COL13A1: variants seen among roughly 807,000 people sequenced by gnomAD.
The protein encoded by COL13A1 is collagen type XIII alpha 1 chain.
In COL13A1, 89 loss-of-function variants were observed where a neutral mutation model predicts 130.9. That is an observed-to-expected ratio of 0.68 (90% CI 0.57 to 0.81). The LOEUF is 0.81. Among genes scored for constraint, COL13A1 ranks in the 30% least tolerant of loss-of-function variants. The pLI is 0.00. For synonymous variants in COL13A1, 402 were observed against 341.6 expected, an observed-to-expected ratio of 1.18 and a Z score of -1.95; for missense variants, 879 against 934.6, an observed-to-expected ratio of 0.94 and a Z score of 0.78.
At chr10:69,920,160 C>T (rs941555109) in intron 21 of COL13A1, among the ~76,000 whole-genome samples, 1 of 152,224 alleles carries the variant, frequency 6.6e-6, no homozygotes, top group Non-Finnish European at 1.5e-5. Context: ...GCTACTTTAC[C>T]GTTCAGCTGC....
In COL13A1 at chr10:69,878,136, C is replaced by G. The variant is rs370197162; in HGVS notation, c.462+71C>G. The G allele has an allele frequency of 1.2e-4, 86 of 698,184 alleles. No individual in the cohort carries two copies. In the South Asian group the frequency reaches 1.2e-3, roughly 10 times the overall value. 43.2% of individuals were successfully genotyped at this position (698,184 alleles called of 1,614,324 possible). A position where few individuals can be genotyped will look rare whatever the true frequency, so the allele number is the denominator to read the frequency against. ...CCAGGTGGACTCTTGATGGGAGGCT[C>G]TCAGCCCTCCCCCCCATGAAAGCCG... is the stretch of plus-strand genomic sequence containing the variant. On this transcript the variant is annotated intron_variant, in intron 6 of 40. Coordinates refer to ENST00000645393, the MANE Select transcript of COL13A1 (RefSeq NM_001368882.1).
intron 4 of COL13A1, among the ~76,000 whole-genome samples, chr10:69,874,713 A>T (rs2059412193): frequency 6.6e-6 from 1 of 152,200 alleles, no homozygotes; most frequent in Non-Finnish European, 1.5e-5. Flanking sequence ...CCCATCTGTC[A>T]CATGGGAGCT....
chr10:69,828,767 C>T (rs1338411227), intron 2 of COL13A1, among the ~76,000 whole-genome samples: 2 of 152,280 alleles, frequency 1.3e-5, no homozygotes, highest in African/African-American at 4.8e-5. Context: ...GGTGTATGCT[C>T]GATGTACAAT....
intron 2 of COL13A1, among the ~76,000 whole-genome samples, chr10:69,859,811 C>T (rs1383256145): frequency 2.6e-5 from 4 of 152,230 alleles, no homozygotes; most frequent in African/African-American, 9.7e-5. Context: ...GAATTCTGTG[C>T]GAGCTTCCAG....
chr10:69,922,732 T>A lies in COL13A1; in HGVS notation c.1168T>A (p.Ser390Thr), dbSNP rs930006269. 1 of 1,606,924 alleles carries A rather than the reference T, an allele frequency of 6.2e-7. No individual in the cohort carries two copies. The highest frequency in any genetic ancestry group is 8.5e-7 in the Non-Finnish European group (1 of 1,177,246). ...GGGAGAGAAAGGCGATGCTGGCAAC[T>A]CCATTGGAGGAGGCAGAGGGGAACC... ...QKGEKGDAGN[S>T]IGGGRGEPGP... The change falls in exon 23 of 41, where the codon TCC becomes ACC. Residue 390 changes from serine (S) to threonine (T), a missense_variant. Coordinates refer to ENST00000645393, the MANE Select transcript of COL13A1 (RefSeq NM_001368882.1).
chr10:69,863,238 C>T (rs903520497), intron 2 of COL13A1, among the ~76,000 whole-genome samples: 12 of 152,158 alleles, frequency 7.9e-5, no homozygotes, highest in South Asian at 2.1e-4. Flanking sequence ...ACTTCCCAGT[C>T]GTGAAATCAA....
intron 22 of COL13A1, among the ~76,000 whole-genome samples, chr10:69,922,245 A>G (rs1296188528): frequency 6.6e-6 from 1 of 152,190 alleles, no homozygotes; most frequent in East Asian, 1.9e-4. Flanking sequence ...AAATTAAAAA[A>G]AAAAAGATGA....
chr10:69,820,574 T>C (rs143279971), intron 1 of COL13A1, among the ~76,000 whole-genome samples: 3 of 152,356 alleles, frequency 2.0e-5, no homozygotes, highest in East Asian at 1.9e-4. Flanking sequence ...TCACCAGACT[T>C]TGGCCTGGGG....
At chr10:69,889,307 CGG>C in intron 9 of COL13A1, 105 bp from the exon 10 acceptor site, 2 of 1,397,852 alleles carry the variant, frequency 1.4e-6, no homozygotes, top group Non-Finnish European at 9.9e-7. Context: ...GGGAGGAGCA[CGG>C]GGGGCAGGGA....
chr10:69,936,099 AG>A (rs2066818198), intron 32 of COL13A1, among the ~76,000 whole-genome samples: 1 of 64,520 alleles, frequency 1.5e-5, no homozygotes, highest in Non-Finnish European at 2.8e-5. Flanking sequence ...GAAGGAGGGA[AG>A]GGAGGAAGGA....
intron 1 of COL13A1, among the ~76,000 whole-genome samples, chr10:69,806,190 G>C (rs1841515517): frequency 6.6e-6 from 1 of 152,266 alleles, no homozygotes; most frequent in African/African-American, 2.4e-5. Flanking sequence ...AATCTTTGCA[G>C]CAGGCAGGAC....
intron 10 of COL13A1, among the ~76,000 whole-genome samples, chr10:69,891,867 C>T (rs2061207845): frequency 6.6e-6 from 1 of 152,198 alleles, no homozygotes; most frequent in African/African-American, 2.4e-5. Context: ...AGTACATTGC[C>T]TGAGGCCACA....
At chr10:69,854,828 A>G (rs182949842) in intron 2 of COL13A1, among the ~76,000 whole-genome samples, 4 of 152,302 alleles carry the variant, frequency 2.6e-5, no homozygotes, top group Admixed American at 2.6e-4. Context: ...TTGCAATTCC[A>G]GAATAGACAG....
At chr10:69,842,796 T>C (rs534402920) in intron 2 of COL13A1, among the ~76,000 whole-genome samples, 2 of 152,308 alleles carry the variant, frequency 1.3e-5, no homozygotes, top group African/African-American at 4.8e-5. Flanking sequence ...AGTTTGCTCC[T>C]TTGAGGAGCA....
chr10:69,856,870 TG>T (rs1390981009), intron 2 of COL13A1, among the ~76,000 whole-genome samples: 2 of 152,150 alleles, frequency 1.3e-5, no homozygotes, highest in Admixed American at 6.5e-5. Flanking sequence ...AGTTCAAGTG[TG>T]GAGACTCCAG....
chr10:69,919,133 C>A lies in COL13A1; in HGVS notation c.1026+45C>A, dbSNP rs753041003. The A allele has an allele frequency of 3.7e-6, 6 of 1,612,498 alleles. No individual in the cohort carries two copies. In the South Asian group the frequency reaches 6.6e-5, roughly 18 times the overall value. On this transcript the variant is annotated intron_variant, in intron 20 of 40. Coordinates refer to ENST00000645393, the MANE Select transcript of COL13A1 (RefSeq NM_001368882.1). ...GTTCCGGGCTGCACAGAGCATCGGT[C>A]ATGGGCAGAGGTGGGAGGGGCTGCT...
intron 1 of COL13A1, among the ~76,000 whole-genome samples, chr10:69,813,637 C>G (rs1843652008): frequency 6.6e-6 from 1 of 152,144 alleles, no homozygotes; most frequent in Non-Finnish European, 1.5e-5. Flanking sequence ...CCGTGGCACC[C>G]CCTCCCTGTC....
At chr10:69,823,983 C>T (rs533407291) in intron 2 of COL13A1, 1 of 422,532 alleles carries the variant, frequency 2.4e-6, no homozygotes, top group East Asian at 7.1e-5. Context: ...GCCCTTATAA[C>T]TCTTGGGCAA....
chr10:69,921,183 G>A (rs887572743), intron 21 of COL13A1, among the ~76,000 whole-genome samples: 10 of 152,156 alleles, frequency 6.6e-5, no homozygotes, highest in South Asian at 2.1e-4. Flanking sequence ...CCTCTCTCCC[G>A]GCTTCTGGTG....
Sources: allele counts gnomAD v4.1 joint callset (sites outside exome capture counted in the v4.1 genomes callset), GRCh38; gene constraint gnomAD v4.1.1; transcripts MANE v1.5; gene names NCBI Gene and HGNC (gene_info 2026-07-23, HGNC 2026-07-21).